GAS7: variants seen among roughly 807,000 people sequenced by gnomAD.
The protein encoded by GAS7 is growth arrest-specific protein 7.
In GAS7, 28 loss-of-function variants were observed where a neutral mutation model predicts 71.1. The ratio of observed to expected loss-of-function variants is 0.39; its 90% CI spans 0.29 to 0.54. The LOEUF (loss-of-function observed/expected upper bound fraction) is 0.54. GAS7 is among the 20% of genes least tolerant of loss of function. GAS7 has a pLI of 0.62. For missense variants in GAS7, 436 were observed against 627.8 expected (o/e 0.69, Z 3.27); for synonymous variants, 258 against 245.8 (o/e 1.05, Z -0.46).
intron 1 of GAS7, among the ~76,000 whole-genome samples, chr17:10,044,189 G>A (rs936812972): frequency 3.3e-5 from 5 of 152,148 alleles, no homozygotes; most frequent in Admixed American, 1.3e-4. Context: ...GGTGTTATTC[G>A]AGGCTTATGG....
At chr17:10,040,723 TGA>T in intron 1 of GAS7, among the ~76,000 whole-genome samples, 1 of 152,260 alleles carries the variant, frequency 6.6e-6, no homozygotes, top group East Asian at 1.9e-4. Flanking sequence ...CACCGGCAGC[TGA>T]GTTATTTGCA....
At chr17:9,965,987 C>G (rs545714924) in intron 4 of GAS7, among the ~76,000 whole-genome samples, 18 of 151,326 alleles carry the variant, frequency 1.2e-4, no homozygotes, top group African/African-American at 4.4e-4. Flanking sequence ...GACACCCACC[C>G]CCCAAAATTC....
intron 1 of GAS7, among the ~76,000 whole-genome samples, chr17:10,078,428 A>C (rs2073420487): frequency 6.6e-6 from 1 of 152,186 alleles, no homozygotes; most frequent in Admixed American, 6.5e-5. Flanking sequence ...AGAGAGAAGA[A>C]TTGGTGCAAG....
Position 9,969,563 on chromosome 17 carries a change from C to G in GAS7, c.471+114G>C. 1 of 677,514 alleles carries G rather than the reference C, an allele frequency of 1.5e-6. No homozygotes were observed. 42.0% of individuals were successfully genotyped at this position (677,514 alleles called of 1,614,324 possible). ...CCCAGACACAGCAACCACTTTCTACCTGGGGGCAGAACTGGGCTGCAGCCA... is the reference window on the plus strand; with the variant it reads ...CCCAGACACAGCAACCACTTTCTACGTGGGGGCAGAACTGGGCTGCAGCCA... On this transcript the variant is annotated intron_variant, in intron 4 of 13. Coordinates refer to ENST00000432992, the MANE Select transcript of GAS7 (RefSeq NM_201433.2). This position sits in a 1 kb window ranked among gnomAD's most constrained non-coding sequence, Gnocchi z 5.5.
intron 11 of GAS7, among the ~76,000 whole-genome samples, chr17:9,922,073 GGA>G (rs2067835868): frequency 6.6e-6 from 1 of 152,066 alleles, no homozygotes; most frequent in Non-Finnish European, 1.5e-5. Context: ...TCTGTAAAAT[GGA>G]GATAACGATT....
At position 9,946,952 on chromosome 17, in the gene GAS7, G is replaced by C. The variant is rs763337191; in HGVS notation, c.557C>G (p.Thr186Arg). 6.2e-7 allele frequency: 1 copy of C among 1,612,664 alleles called. No homozygotes were observed. Among genetic ancestry groups the C allele is most frequent in the South Asian group, 1.1e-5 (1 of 91,052 alleles). The change falls in exon 6 of 14, where the codon ACG becomes AGG. Residue 186 changes from threonine to arginine, a missense_variant. Coordinates refer to ENST00000432992, the MANE Select transcript of GAS7 (RefSeq NM_201433.2). Reference sequence around the variant, plus strand: ...TTTCAGCAGCTGCTGTTCCGGCATCGTGTCTGGGTGAGGGAACGTCACACA... The same window carrying C: ...TTTCAGCAGCTGCTGTTCCGGCATCCTGTCTGGGTGAGGGAACGTCACACA... ...INCVTFPHPD[T>R]MPEQQLLKPT... is the part of the protein sequence containing the mutation.
rs1454259701 is a variant in GAS7, at chr17:9,919,296, T to C, written c.1218+330A>G. Among the ~76,000 whole-genome samples the C allele has an allele frequency of 6.6e-6, 1 of 152,056 alleles. No individual in the cohort carries two copies. The highest frequency in any genetic ancestry group is 2.4e-5 in the African/African-American group (1 of 41,396). On this transcript the variant is annotated intron_variant, in intron 12 of 13. Transcript: ENST00000432992. This position sits in a 1 kb window ranked among gnomAD's most constrained non-coding sequence, Gnocchi z 5.0. ...TGTGTGGGGCGGTCCTCTCTTCCTATAGCTTGGCTATTTTTCCTAAAGAGG... is the reference window on the plus strand; with the variant it reads ...TGTGTGGGGCGGTCCTCTCTTCCTACAGCTTGGCTATTTTTCCTAAAGAGG...
chr17:10,133,599 T>C (rs187415904), intron 1 of GAS7, among the ~76,000 whole-genome samples: 5 of 152,260 alleles, frequency 3.3e-5, no homozygotes, highest in African/African-American at 1.2e-4. Context: ...TTTTAAAATA[T>C]AATACGCTAT....
intron 2 of GAS7, among the ~76,000 whole-genome samples, chr17:9,982,240 T>C (rs2070438638): frequency 6.6e-6 from 1 of 152,158 alleles, no homozygotes; most frequent in Non-Finnish European, 1.5e-5. Context: ...CTCGGGGCTC[T>C]GGACTCTTCT....
rs544813219 is a variant in GAS7, at chr17:10,094,906, A to G, written c.184-75009T>C. Among the ~76,000 whole-genome samples, 4 of 152,244 alleles carry G rather than the reference A, an allele frequency of 2.6e-5. No homozygotes were observed. The South Asian group carries it at 8.3e-4, about 32-fold the overall frequency. On this transcript the variant is annotated intron_variant, in intron 1 of 13. Coordinates refer to ENST00000432992, the MANE Select transcript of GAS7 (RefSeq NM_201433.2). Reference sequence around the variant, plus strand: ...CAGTTTATCATCCCGTCTTTTAACAACCTTCTCACTGCCTTACTCTCCCTT... The same window carrying G: ...CAGTTTATCATCCCGTCTTTTAACAGCCTTCTCACTGCCTTACTCTCCCTT...
intron 1 of GAS7, among the ~76,000 whole-genome samples, chr17:10,046,541 G>A (rs2072960323): frequency 6.6e-6 from 1 of 151,698 alleles, no homozygotes; most frequent in Non-Finnish European, 1.5e-5. Flanking sequence ...TTCCAGACCA[G>A]CCTGGCCAAT....
intron 1 of GAS7, among the ~76,000 whole-genome samples, chr17:10,046,738 A>G (rs2072965316): frequency 7.1e-6 from 1 of 141,194 alleles, no homozygotes; most frequent in African/African-American, 3.0e-5. Flanking sequence ...TCTGTCTCAA[A>G]AAAAAAAAAA....
intron 1 of GAS7, among the ~76,000 whole-genome samples, chr17:10,099,723 G>A (rs1188210685): frequency 6.6e-6 from 1 of 152,102 alleles, no homozygotes; most frequent in Non-Finnish European, 1.5e-5. Context: ...TGCAAGATTA[G>A]TCACCCTGGG....
chr17:10,194,578 G>A (rs189835218), intron 1 of GAS7, among the ~76,000 whole-genome samples: 89 of 152,324 alleles, frequency 5.8e-4, no homozygotes, highest in Admixed American at 1.1e-3. Context: ...CAGGTCTATG[G>A]AGGCAATCTC....
At chr17:9,982,546 G>A (rs2070448603) in intron 2 of GAS7, among the ~76,000 whole-genome samples, 1 of 152,150 alleles carries the variant, frequency 6.6e-6, no homozygotes, top group Non-Finnish European at 1.5e-5. Flanking sequence ...GGAGGCCTAG[G>A]TGGGCAGATC....
At chr17:10,061,627 A>T (rs2073221103) in intron 1 of GAS7, among the ~76,000 whole-genome samples, 1 of 152,186 alleles carries the variant, frequency 6.6e-6, no homozygotes, top group South Asian at 2.1e-4. Flanking sequence ...TCGTCCAAAG[A>T]TGCACACAAG....
intron 1 of GAS7, among the ~76,000 whole-genome samples, chr17:10,097,744 T>TA (rs1296706466): frequency 6.6e-6 from 1 of 151,668 alleles, no homozygotes; most frequent in Admixed American, 6.6e-5. Context: ...GGGTGGGTGG[T>TA]AAAAAATGTA....
At chr17:10,124,601 G>A (rs2073930234) in intron 1 of GAS7, among the ~76,000 whole-genome samples, 1 of 152,192 alleles carries the variant, frequency 6.6e-6, no homozygotes, top group East Asian at 1.9e-4. Context: ...TATTCTCAAG[G>A]ACTTGGTACA....
At chr17:10,000,065 C>CT (rs2071208999) in intron 2 of GAS7, among the ~76,000 whole-genome samples, 1 of 152,210 alleles carries the variant, frequency 6.6e-6, no homozygotes, top group Admixed American at 6.5e-5. Flanking sequence ...TAGGCACTGA[C>CT]TAAGACTTGG....
Sources: gnomAD v4.1 joint callset for allele counts (sites outside exome capture counted in the v4.1 genomes callset) on GRCh38, gnomAD v4.1.1 for gene constraint, Gnocchi (gnomAD v3.1) non-coding constraint, MANE v1.5 for transcripts, NCBI Gene and HGNC (gene_info 2026-07-23, HGNC 2026-07-21) for gene names.